The following CACNA1A variants were observed in gnomAD, a reference collection of about 807,000 sequenced individuals.
The protein encoded by CACNA1A is calcium voltage-gated channel subunit alpha1 A.
Under a neutral mutation model 262.4 loss-of-function variants are expected in CACNA1A, and 57 were observed. That is an observed-to-expected ratio of 0.22 (90% CI 0.18 to 0.27). The LOEUF is 0.27. Ranked by LOEUF, CACNA1A falls within the 10% of genes least tolerant of loss-of-function variation. CACNA1A has a pLI of 1.00. For synonymous variants in CACNA1A, 1,431 were observed against 1,419.3 expected (o/e 1.01, Z -0.18); for missense variants, 2,526 against 3,562.8 (o/e 0.71, Z 7.41).
At chr19:13,346,830 C>A (rs182883717) in intron 6 of CACNA1A, among the ~76,000 whole-genome samples, 271 of 149,150 alleles carry the variant, frequency 1.8e-3, no homozygotes, top group African/African-American at 6.5e-3. Flanking sequence ...CAGGCGCCTG[C>A]CACCATGCCC....
intron 6 of CACNA1A, among the ~76,000 whole-genome samples, chr19:13,358,396 T>TCTCTACAA (rs1418663247): frequency 6.6e-6 from 1 of 152,136 alleles, no homozygotes; most frequent in Non-Finnish European, 1.5e-5. Context: ...AAGAACCCTG[T>TCTCTACAA]CTCTACAAAA....
chr19:13,426,657 T>C (rs760592832), intron 3 of CACNA1A, among the ~76,000 whole-genome samples: 8 of 152,236 alleles, frequency 5.3e-5, no homozygotes, highest in Non-Finnish European at 1.2e-4. Flanking sequence ...GCGTGGTTAA[T>C]AGCAGATTAG....
At chr19:13,321,650 T>C (rs1230956483) in intron 10 of CACNA1A, among the ~76,000 whole-genome samples, 1 of 143,386 alleles carries the variant, frequency 7.0e-6, no homozygotes, top group Non-Finnish European at 1.5e-5. Flanking sequence ...TGTAACATCA[T>C]AGTATTTGTG....
intron 3 of CACNA1A, among the ~76,000 whole-genome samples, chr19:13,418,222 G>GGAAT (rs1404222504): frequency 6.6e-6 from 1 of 152,046 alleles, no homozygotes; most frequent in East Asian, 1.9e-4. Context: ...TTAGAACAAT[G>GGAAT]GAATGAAGCT....
chr19:13,212,679 G>C lies in CACNA1A; in HGVS notation c.6002C>G (p.Pro2001Arg). Residue 2001 changes from proline (P) to arginine (R), a missense_variant, in exon 41 of 47, where the codon CCT becomes CGT. Transcript: ENST00000360228. This position sits in a 1 kb window ranked among gnomAD's most constrained non-coding sequence, Gnocchi z 5.6. ...EPPSPTQEGGPGQNALPSTQL... is the reference protein window; with the variant it reads ...EPPSPTQEGGRGQNALPSTQL... ...GGTGGAGGGGAGGGCGTTCTGGCCA[G>C]GTCCCCCTTCCTGCGTTGGGGACGG... 2 of 1,512,734 alleles carry C rather than the reference G, an allele frequency of 1.3e-6. No individual in the cohort carries two copies. The highest frequency in any genetic ancestry group is 1.8e-6 in the Non-Finnish European group (2 of 1,131,350). The allele number at this position is 1,512,734 out of a possible 1,614,324, so 93.7% of individuals were successfully genotyped here.
chr19:13,321,036 T>C (rs1026835980), intron 10 of CACNA1A, among the ~76,000 whole-genome samples: 30 of 108,510 alleles, frequency 2.8e-4, no homozygotes, highest in East Asian at 2.3e-3. Context: ...TTTTTTTTTT[T>C]TTTTCTTTTT....
chr19:13,415,743 TAAAAAAAAAAAAAAAAA>T (rs71170510), intron 3 of CACNA1A, among the ~76,000 whole-genome samples: 2 of 42,506 alleles, frequency 4.7e-5, no homozygotes, highest in Non-Finnish European at 8.6e-5. Context: ...CTGTCTCAAT[TAAAAAAAAAAAAAAAAA>T]AAAAAAAAAA....
intron 3 of CACNA1A, among the ~76,000 whole-genome samples, chr19:13,408,070 C>T (rs542937055): frequency 2.1e-4 from 32 of 152,302 alleles, no homozygotes; most frequent in African/African-American, 6.5e-4. Flanking sequence ...CTCAGCCATG[C>T]CTTCCGCACA....
intron 10 of CACNA1A, among the ~76,000 whole-genome samples, chr19:13,319,091 C>T (rs906499070): frequency 6.6e-6 from 1 of 151,520 alleles, no homozygotes; most frequent in Admixed American, 6.6e-5. Context: ...AATGAGGTCT[C>T]CCTGTGTTGC....
chr19:13,360,041 A>G (rs1368956502), intron 5 of CACNA1A, among the ~76,000 whole-genome samples: 5 of 101,140 alleles, frequency 4.9e-5, no homozygotes, highest in Non-Finnish European at 1.1e-4. Flanking sequence ...TTTTTTTTCT[A>G]TTCTTTTCCT....
intron 1 of CACNA1A, among the ~76,000 whole-genome samples, chr19:13,497,567 T>A (rs1981827213): frequency 3.0e-4 from 11 of 37,042 alleles, no homozygotes; most frequent in Admixed American, 4.4e-4. Flanking sequence ...TATATATATA[T>A]ATATATATAT....
At chr19:13,224,132 G>C (rs531845534) in intron 38 of CACNA1A, among the ~76,000 whole-genome samples, 3 of 151,958 alleles carry the variant, frequency 2.0e-5, no homozygotes, top group Non-Finnish European at 2.9e-5. Context: ...AGACCAGCCT[G>C]GCCAACATGG....
chr19:13,240,523 ACAGT>A (rs1356652627), intron 31 of CACNA1A, among the ~76,000 whole-genome samples: 1 of 131,822 alleles, frequency 7.6e-6, no homozygotes, highest in Non-Finnish European at 1.8e-5. Flanking sequence ...GTGACTGTGC[ACAGT>A]GTGTGTGCAT....
chr19:13,396,735 C>T (rs771776222), intron 3 of CACNA1A, among the ~76,000 whole-genome samples: 31 of 152,314 alleles, frequency 2.0e-4, no homozygotes, highest in Non-Finnish European at 3.5e-4. Context: ...ACTAGTCATT[C>T]CCTGTGTGCC....
intron 37 of CACNA1A, 72 bp downstream of exon 37, chr19:13,227,359 T>C: frequency 1.7e-6 from 1 of 604,306 alleles, no homozygotes; most frequent in South Asian, 2.1e-5. Context: ...TGGTCAGCAC[T>C]AAAAAAAAAG....
At chr19:13,235,471 A>G (rs1287830025) in intron 32 of CACNA1A, 143 bp downstream of exon 32, 7 of 771,502 alleles carry the variant, frequency 9.1e-6, no homozygotes, top group Non-Finnish European at 1.6e-5. Flanking sequence ...AGGGACAGGA[A>G]GTTTGACAAC....
At chr19:13,246,859 G>T (rs996512448) in intron 30 of CACNA1A, among the ~76,000 whole-genome samples, 1 of 151,898 alleles carries the variant, frequency 6.6e-6, no homozygotes, top group Non-Finnish European at 1.5e-5. Context: ...ATCTCCTGAC[G>T]TTGTGATCCA....
At chr19:13,254,441 C>G (rs1324809863) in intron 29 of CACNA1A, among the ~76,000 whole-genome samples, 1 of 151,820 alleles carries the variant, frequency 6.6e-6, no homozygotes, top group African/African-American at 2.4e-5. Context: ...CGGCTCATGG[C>G]AACCTCCGCC....
At chr19:13,339,472 G>A (rs1338340715) in intron 6 of CACNA1A, among the ~76,000 whole-genome samples, 1 of 152,068 alleles carries the variant, frequency 6.6e-6, no homozygotes, top group African/African-American at 2.4e-5. Flanking sequence ...ACAACAATGT[G>A]AATGTATTAT....
Sources: allele counts gnomAD v4.1 joint callset (sites outside exome capture counted in the v4.1 genomes callset), GRCh38; gene constraint gnomAD v4.1.1; non-coding constraint Gnocchi (gnomAD v3.1); transcripts MANE v1.5; gene names NCBI Gene and HGNC (gene_info 2026-07-23, HGNC 2026-07-21).